PCDHA1: variants seen among roughly 807,000 people sequenced by gnomAD.
PCDHA1 encodes protocadherin alpha 1, also known as protocadherin alpha-1.
Under a neutral mutation model 61.3 loss-of-function variants are expected in PCDHA1, and 42 were observed. The ratio of observed to expected loss-of-function variants is 0.69; its 90% confidence interval spans 0.54 to 0.89. The LOEUF (loss-of-function observed/expected upper bound fraction) is 0.89. PCDHA1 is among the 40% of genes least tolerant of loss of function. The pLI is 0.00. For missense variants in PCDHA1, 1,256 were observed against 1,235.3 expected (o/e 1.02, Z -0.25); for synonymous variants, 610 against 553.8 (o/e 1.10, Z -1.43).
intron 1 of PCDHA1, among the ~76,000 whole-genome samples, chr5:140,977,149 G>A (rs1484811068): frequency 6.6e-6 from 1 of 152,198 alleles, no homozygotes; most frequent in Non-Finnish European, 1.5e-5. Flanking sequence ...TGCTGGAACT[G>A]TGCCTTTCAG....
chr5:140,976,378 C>G (rs908008970), intron 1 of PCDHA1, among the ~76,000 whole-genome samples: 2 of 151,926 alleles, frequency 1.3e-5, no homozygotes, highest in Non-Finnish European at 2.9e-5. Flanking sequence ...TGGTGAAACC[C>G]CATCTCTACT....
intron 1 of PCDHA1, among the ~76,000 whole-genome samples, chr5:140,920,583 C>T (rs1287573835): frequency 1.3e-5 from 2 of 152,106 alleles, no homozygotes; most frequent in African/African-American, 4.8e-5. Flanking sequence ...CAGTGGCTCA[C>T]GCCTGTAATC....
intron 1 of PCDHA1, among the ~76,000 whole-genome samples, chr5:140,909,815 C>A (rs1168197798): frequency 3.9e-5 from 6 of 152,094 alleles, no homozygotes; most frequent in Non-Finnish European, 8.8e-5. Flanking sequence ...ACTCCATAAG[C>A]CCCTACTTTA....
intron 3 of PCDHA1, among the ~76,000 whole-genome samples, chr5:140,994,339 A>T (rs1279466681): frequency 6.6e-6 from 1 of 152,146 alleles, no homozygotes; most frequent in Non-Finnish European, 1.5e-5. Context: ...TGAACAGTGG[A>T]TGTTGTGGGA....
chr5:140,830,527 A>T (rs1409686582), intron 1 of PCDHA1: 11 of 1,307,954 alleles, frequency 8.4e-6, no homozygotes, highest in Non-Finnish European at 1.1e-5. Context: ...TTTATTTTAA[A>T]TTTATAATTG....
At chr5:140,973,858 C>G (rs1277402007) in intron 1 of PCDHA1, among the ~76,000 whole-genome samples, 1 of 152,156 alleles carries the variant, frequency 6.6e-6, no homozygotes, top group Non-Finnish European at 1.5e-5. Flanking sequence ...AATTTTTGCT[C>G]TCAATGAGAG....
At chr5:140,941,215 C>CTTTCTTTCTTTCTT (rs2092887387) in intron 1 of PCDHA1, among the ~76,000 whole-genome samples, 1 of 104,510 alleles carries the variant, frequency 9.6e-6, no homozygotes, top group African/African-American at 3.7e-5. Context: ...TTCTTTCTTC[C>CTTTCTTTCTTTCTT]TTTCTTTCTT....
intron 1 of PCDHA1, chr5:140,843,766 G>A: frequency 6.7e-7 from 1 of 1,487,952 alleles, no homozygotes; most frequent in Non-Finnish European, 9.2e-7. Flanking sequence ...GGAAATTGTA[G>A]TTACTTTAAA....
chr5:140,928,297 G>A, intron 1 of PCDHA1: 1 of 1,614,112 alleles, frequency 6.2e-7, no homozygotes, highest in Non-Finnish European at 8.5e-7. Flanking sequence ...CCGAGTGTTT[G>A]CCCAGGACCC....
intron 1 of PCDHA1, among the ~76,000 whole-genome samples, chr5:140,923,810 T>C (rs1433569913): frequency 6.6e-6 from 1 of 152,202 alleles, no homozygotes; most frequent in Non-Finnish European, 1.5e-5. Flanking sequence ...TGAAATCTTC[T>C]GAAAATAGAC....
At chr5:140,990,705 G>A (rs2097408066) in intron 3 of PCDHA1, among the ~76,000 whole-genome samples, 1 of 152,132 alleles carries the variant, frequency 6.6e-6, no homozygotes, top group Non-Finnish European at 1.5e-5. Flanking sequence ...AGATTTATGG[G>A]GATAAGAGCA....
rs61743800 is a variant in PCDHA1, at chr5:140,787,754, G to C, written c.1464G>C (p.Ala488=). The C allele has an allele frequency of 3.2e-4, 517 of 1,613,348 alleles. 4 individuals carry two copies. The African/African-American group carries it at 5.5e-3, about 17-fold the overall frequency. ...SARDADAQEN[A]LVSYSLVERR... ...GGGACGCGGACGCGCAGGAGAACGCGCTGGTGTCCTATTCGCTGGTGGAAC... is the reference window on the plus strand; with the variant it reads ...GGGACGCGGACGCGCAGGAGAACGCCCTGGTGTCCTATTCGCTGGTGGAAC... Residue 488 remains alanine (A), a synonymous_variant, in exon 1 of 4, where the codon GCG becomes GCC. Transcript: ENST00000504120.
intron 1 of PCDHA1, chr5:140,875,895 T>C (rs2153332421): frequency 1.2e-6 from 2 of 1,614,196 alleles, no homozygotes; most frequent in Non-Finnish European, 1.7e-6. Flanking sequence ...AAAAGGTACC[T>C]GTTTCTGAAT....
intron 3 of PCDHA1, among the ~76,000 whole-genome samples, chr5:140,988,142 A>G (rs1017336547): frequency 5.3e-5 from 8 of 152,056 alleles, no homozygotes; most frequent in African/African-American, 1.4e-4. Context: ...AACCTGTTCA[A>G]CCTCAACTTC....
chr5:140,857,187 C>T (rs202051639), intron 1 of PCDHA1: 3 of 1,598,516 alleles, frequency 1.9e-6, no homozygotes, highest in Admixed American at 1.7e-5. Context: ...GATTCAGGAG[C>T]CAACGGACAG....
Position 140,824,271 on chromosome 5 carries a change from T to C in PCDHA1, c.2394+35587T>C, listed in dbSNP as rs1428906460. 2.5e-6 allele frequency: 3 copies of C among 1,216,294 alleles called. No individual in the cohort carries two copies. The African/African-American group carries it at 4.5e-5, about 18-fold the overall frequency. 75.3% of individuals were successfully genotyped at this position (1,216,294 alleles called of 1,614,324 possible). A position where few individuals can be genotyped will look rare whatever the true frequency, so the allele number is the denominator to read the frequency against. ...ACAATTATTGCACTAATTCATGTAT[T>C]ATATGCTTTTTATGAGGCTTTTCTG... On this transcript the variant is annotated intron_variant, in intron 1 of 3. Coordinates refer to ENST00000504120, the MANE Select transcript of PCDHA1 (RefSeq NM_018900.4).
At chr5:140,830,776 T>A (rs190922926) in intron 1 of PCDHA1, 105 of 166,754 alleles carry the variant, frequency 6.3e-4, no homozygotes, top group Admixed American at 1.3e-3. Flanking sequence ...CATAGTAGCA[T>A]TTTTTTCTGA....
At chr5:140,942,332 C>T (rs2093271266) in intron 1 of PCDHA1, among the ~76,000 whole-genome samples, 1 of 151,760 alleles carries the variant, frequency 6.6e-6, no homozygotes, top group Non-Finnish European at 1.5e-5. Flanking sequence ...ATCACTTGAA[C>T]CAGAGGGAGG....
rs1161459762 is a variant in PCDHA1, at chr5:140,884,196, C to A, written c.2395-94753C>A. 1.9e-6 allele frequency: 3 copies of A among 1,613,298 alleles called. No homozygotes were observed. The African/African-American group carries it at 4.0e-5, about 22-fold the overall frequency. On this transcript the variant is annotated intron_variant, in intron 1 of 3. Coordinates refer to ENST00000504120, the MANE Select transcript of PCDHA1 (RefSeq NM_018900.4). ...CGCCCTCTGGACGAGGTGGACGCGCCGCACCACCGCCTTCTGGTGCTGGTG... is the reference window on the plus strand; with the variant it reads ...CGCCCTCTGGACGAGGTGGACGCGCAGCACCACCGCCTTCTGGTGCTGGTG...
Sources: allele counts gnomAD v4.1 joint callset (sites outside exome capture counted in the v4.1 genomes callset), GRCh38; gene constraint gnomAD v4.1.1; transcripts MANE v1.5; gene names NCBI Gene and HGNC (gene_info 2026-07-23, HGNC 2026-07-21).